The following ABCA13 variants were observed in gnomAD, a reference collection of about 807,000 sequenced individuals.
The protein encoded by ABCA13 is ATP binding cassette subfamily A member 13, also known as ATP-binding cassette sub-family A member 13.
A neutral mutation model predicts 478.7 loss-of-function variants in ABCA13; 476 were observed. The ratio of observed to expected loss-of-function variants is 0.99; its 90% CI spans 0.92 to 1.07. The LOEUF is 1.07. Among genes scored for constraint, ABCA13 ranks in the 50% least tolerant of loss-of-function variants. The pLI, the probability that ABCA13 is intolerant of heterozygous loss-of-function variation, is 0.00. For missense variants in ABCA13, 6,060 were observed against 5,910.6 expected, an observed-to-expected ratio of 1.03 and a Z score of -0.83; for synonymous variants, 2,252 against 2,158.9, an observed-to-expected ratio of 1.04 and a Z score of -1.20.
intron 15 of ABCA13, among the ~76,000 whole-genome samples, chr7:48,251,258 C>T (rs1360009332): frequency 6.6e-6 from 1 of 152,166 alleles, no homozygotes; most frequent in Non-Finnish European, 1.5e-5. Flanking sequence ...ACTTTTGACT[C>T]TTTTCAGAAA....
At chr7:48,286,488 CT>C (rs1379879262) in intron 19 of ABCA13, among the ~76,000 whole-genome samples, 1 of 23,194 alleles carries the variant, frequency 4.3e-5, no homozygotes, top group African/African-American at 3.7e-4. Flanking sequence ...TGTTTTTTCC[CT>C]TCCTTCCTTC....
chr7:48,389,860 T>C (rs1815776520), intron 37 of ABCA13, among the ~76,000 whole-genome samples: 1 of 152,216 alleles, frequency 6.6e-6, no homozygotes, highest in Non-Finnish European at 1.5e-5. Flanking sequence ...CAAATCACTT[T>C]CTCTTTTGTT....
rs199927248 is a variant in ABCA13 at position 48,411,148 on chromosome 7, CT to C, written c.12228+474del. Among the ~76,000 whole-genome samples, 103 of 88,064 alleles carry C rather than the reference CT, an allele frequency of 1.2e-3. 16 individuals are homozygous for C. The highest frequency in any genetic ancestry group is 2.2e-3 in the East Asian group (6 of 2,668). 57.8% of individuals were successfully genotyped at this position (88,064 alleles called of 152,430 possible). A position where few individuals can be genotyped will look rare whatever the true frequency, so the allele number is the denominator to read the frequency against. ...CTTTCCTTTCCTTTCCTTTCCTTTT[CT>C]TTCTCCCCTTCCCTTCTCTTTCTTT... On this transcript the variant is annotated intron_variant, in intron 40 of 61. Transcript: ENST00000435803.
At chr7:48,494,286 C>T (rs953008195) in intron 48 of ABCA13, among the ~76,000 whole-genome samples, 1 of 152,158 alleles carries the variant, frequency 6.6e-6, no homozygotes, top group Non-Finnish European at 1.5e-5. Flanking sequence ...CTGCTAAAAT[C>T]TCCAAATCAC....
intron 41 of ABCA13, among the ~76,000 whole-genome samples, chr7:48,415,893 A>G (rs1819912364): frequency 6.6e-6 from 1 of 152,184 alleles, no homozygotes; most frequent in South Asian, 2.1e-4. Flanking sequence ...GCACATGTGA[A>G]TAAGATACTT....
intron 8 of ABCA13, among the ~76,000 whole-genome samples, chr7:48,237,331 T>C (rs1029690815): frequency 6.6e-6 from 1 of 152,160 alleles, no homozygotes; most frequent in Non-Finnish European, 1.5e-5. Context: ...ATAATCTTAA[T>C]CTTGTGGCCT....
intron 55 of ABCA13, among the ~76,000 whole-genome samples, chr7:48,577,581 A>T (rs1204028256): frequency 6.6e-6 from 1 of 152,156 alleles, no homozygotes; most frequent in African/African-American, 2.4e-5. Flanking sequence ...AAGAAATTGA[A>T]TCAATAACTA....
chr7:48,574,627 C>G (rs1457315091), intron 55 of ABCA13, among the ~76,000 whole-genome samples: 1 of 152,176 alleles, frequency 6.6e-6, no homozygotes, highest in African/African-American at 2.4e-5. Context: ...CAAGTCCTGT[C>G]TGCTCTGGTA....
chr7:48,495,725 A>G (rs1830218048), intron 48 of ABCA13, among the ~76,000 whole-genome samples: 1 of 151,962 alleles, frequency 6.6e-6, no homozygotes. Context: ...ATGTATTTTG[A>G]AGCTCTGAGG....
chr7:48,641,032 T>C (rs999060958), intron 59 of ABCA13, among the ~76,000 whole-genome samples: 6 of 152,214 alleles, frequency 3.9e-5, no homozygotes, highest in East Asian at 1.9e-4. Context: ...CACAGTAAAG[T>C]TGGAATTCTT....
intron 30 of ABCA13, among the ~76,000 whole-genome samples, chr7:48,351,387 A>T (rs1403963008): frequency 6.6e-6 from 1 of 152,218 alleles, no homozygotes; most frequent in Non-Finnish European, 1.5e-5. Context: ...ATCGCAGACT[A>T]AAACAAGAGA....
At chr7:48,209,904 T>C (rs1785405842) in intron 3 of ABCA13, among the ~76,000 whole-genome samples, 1 of 152,162 alleles carries the variant, frequency 6.6e-6, no homozygotes. Context: ...TTGCTAAAGG[T>C]TTATCAATTT....
chr7:48,222,382 C>G (rs1428292435), intron 5 of ABCA13, among the ~76,000 whole-genome samples: 1 of 152,104 alleles, frequency 6.6e-6, no homozygotes, highest in Non-Finnish European at 1.5e-5. Flanking sequence ...ATGGTTGTGA[C>G]AATGTAAAAA....
intron 40 of ABCA13, among the ~76,000 whole-genome samples, chr7:48,412,111 G>A (rs768065313): frequency 3.3e-5 from 5 of 152,104 alleles, no homozygotes; most frequent in Non-Finnish European, 7.4e-5. Flanking sequence ...GCTAAGACGG[G>A]CATGTTGGGG....
intron 35 of ABCA13, among the ~76,000 whole-genome samples, chr7:48,381,695 C>T (rs187556426): frequency 5.1e-4 from 78 of 152,210 alleles, no homozygotes; most frequent in African/African-American, 1.8e-3. Flanking sequence ...TTTCATTGAC[C>T]TCTTCTTTTA....
intron 42 of ABCA13, among the ~76,000 whole-genome samples, chr7:48,449,886 G>A (rs894947678): frequency 2.6e-5 from 4 of 152,062 alleles, no homozygotes; most frequent in Non-Finnish European, 5.9e-5. Flanking sequence ...TTCACACTCT[G>A]GTTACCCTCC....
chr7:48,388,924 G>A (rs1470415855), intron 36 of ABCA13, 116 bp from the exon 37 acceptor site: 1 of 1,200,336 alleles, frequency 8.3e-7, no homozygotes. Context: ...GAGTTGATTT[G>A]TGTGCTTCAC....
In ABCA13 at chr7:48,320,084, T is replaced by C. The variant is rs534518293; in HGVS notation, c.9999+2788T>C. On this transcript the variant is annotated intron_variant, in intron 27 of 61. Coordinates refer to ENST00000435803, the MANE Select transcript of ABCA13 (RefSeq NM_152701.5). ...GAAAAAAAATGATGGCCAAAACTTCTAGAGAGTGTTAAAAGGTAAACTTAG... is the reference window on the plus strand; with the variant it reads ...GAAAAAAAATGATGGCCAAAACTTCCAGAGAGTGTTAAAAGGTAAACTTAG... Among the ~76,000 whole-genome samples, 3 of 152,272 alleles carry C rather than the reference T, an allele frequency of 2.0e-5. No individual in the cohort carries two copies. The East Asian group carries it at 5.8e-4, about 29-fold the overall frequency.
rs1796795538 is a variant in ABCA13, at chr7:48,279,851, T to C, written c.8657T>C (p.Leu2886Ser). The change falls in exon 18 of 62, where the codon TTG becomes TCG. Residue 2886 changes from leucine (L) to serine (S), a missense_variant. By Grantham distance (145) the Leu-to-Ser change is moderately radical. This residue lies in a region of ABCA13 where 4,423 missense variants were observed against 4,309.1 expected (regional missense o/e 1.03). Transcript: ENST00000435803. ...TATAGTTTCAAACCATTTTTCTGTT[T>C]GGAGAAATACCTGGGAGGATTATTT... ...FPYSFKPFFC[L>S]EKYLGGLFVL... 17 of 1,567,228 alleles carry C rather than the reference T, an allele frequency of 1.1e-5. No homozygotes were observed. The highest frequency in any genetic ancestry group is 1.5e-5 in the Non-Finnish European group (17 of 1,161,338).
Sources: gnomAD v4.1 joint callset for allele counts (sites outside exome capture counted in the v4.1 genomes callset) on GRCh38, gnomAD v4.1.1 for gene constraint, gnomAD v4.1.1 regional missense constraint, MANE v1.5 for transcripts, NCBI Gene and HGNC (gene_info 2026-07-23, HGNC 2026-07-21) for gene names.